EIF4A2: variants seen among roughly 807,000 people sequenced by gnomAD.
EIF4A2 encodes the protein eukaryotic translation initiation factor 4A2.
A neutral mutation model predicts 50.6 loss-of-function variants in EIF4A2; 9 were observed. The observed-to-expected ratio is 0.18, with a 90% CI of 0.11 to 0.31. The LOEUF (loss-of-function observed/expected upper bound fraction) is 0.31. EIF4A2 is among the 10% of genes least tolerant of loss of function. EIF4A2 has a pLI of 1.00. For missense variants in EIF4A2, 182 were observed against 501.8 expected (o/e 0.36, Z 6.09); for synonymous variants, 215 against 164.4 (o/e 1.31, Z -2.35).
At position 186,783,648 on chromosome 3, in the gene EIF4A2, T is replaced by C; in HGVS notation, c.29+9T>C. On this transcript the variant is annotated intron_variant, in intron 1 of 10. Transcript: ENST00000323963. Reference sequence around the variant, plus strand: ...TCCGCGGATTATAACAGGTATGCAGTCTGTTGGCGGTCGCGGTCTGTAGTG... The same window carrying C: ...TCCGCGGATTATAACAGGTATGCAGCCTGTTGGCGGTCGCGGTCTGTAGTG... 6.2e-7 allele frequency: 1 copy of C among 1,614,052 alleles called. No individual in the cohort carries two copies. Among genetic ancestry groups the C allele is most frequent in the Non-Finnish European group, 8.5e-7 (1 of 1,180,000 alleles).
intron 10 of EIF4A2, 40 bp downstream of exon 10, chr3:186,787,922 T>C (rs1331154473): frequency 6.3e-7 from 1 of 1,590,338 alleles, no homozygotes; most frequent in Admixed American, 1.7e-5. Context: ...AAAAAATTCA[T>C]ACGTTTTTCT....
At position 186,789,733 on chromosome 3, in the gene EIF4A2, TGTATTTATTCAATAAA is replaced by T. The variant is rs1211090596; in HGVS notation, c.*472_*487del. 9.0e-6 allele frequency: 4 copies of T among 442,550 alleles called. No homozygotes were observed. The East Asian group carries it at 1.5e-4, about 16-fold the overall frequency. The allele number at this position is 442,550 out of a possible 1,614,324, so 27.4% of individuals were successfully genotyped here. ...CATTTGAATGCATTTTGTTTGGTAT[TGTATTTATTCAATAAA>T]GTATTTAATTAGTGCTAAGTGTGAA... On this transcript the variant is annotated 3_prime_UTR_variant, in exon 11 of 11. Coordinates refer to ENST00000323963, the MANE Select transcript of EIF4A2 (RefSeq NM_001967.4).
intron 4 of EIF4A2, chr3:186,785,323 CTTGGATGTACTAGATCTGTCCCCAT>C (rs1721628684): frequency 1.7e-6 from 1 of 604,980 alleles, no homozygotes; most frequent in African/African-American, 1.9e-5. Flanking sequence ...GAAGCGCTCT[CTTGGATGTACTAGATCTGTCCCCAT>C]TTTTTAAGTT....
intron 4 of EIF4A2, chr3:186,785,661 G>T (rs765007382): frequency 2.0e-6 from 1 of 510,772 alleles, no homozygotes; most frequent in Non-Finnish European, 3.5e-6. Context: ...TCTAGCTGAT[G>T]CGTGGAGCAG....
Position 186,783,625 on chromosome 3 carries a change from C to T in EIF4A2, c.15C>T (p.Ser5=), listed in dbSNP as rs201948346. 19 of 1,614,106 alleles carry T rather than the reference C, an allele frequency of 1.2e-5. No individual in the cohort carries two copies. In the East Asian group the frequency reaches 3.1e-4, roughly 27 times the overall value. The change falls in exon 1 of 11, where the codon TCC becomes TCT. Residue 5 remains serine (S), a synonymous_variant. Coordinates refer to ENST00000323963, the MANE Select transcript of EIF4A2 (RefSeq NM_001967.4). MSGG[S]ADYNREHGGP... ...TTTTTCGGATCATGTCTGGTGGCTCCGCGGATTATAACAGGTATGCAGTCT... is the reference window on the plus strand; with the variant it reads ...TTTTTCGGATCATGTCTGGTGGCTCTGCGGATTATAACAGGTATGCAGTCT...
At position 186,784,711 on chromosome 3, in the gene EIF4A2, C is replaced by G; in HGVS notation, c.208+15C>G. On this transcript the variant is annotated intron_variant, in intron 3 of 10. Transcript: ENST00000323963. ...CTGTATTAAAGGTAAAAGAAACTGG[C>G]ATTTTTAGGAAATTGTTCTACATAG... is the stretch of plus-strand genomic sequence containing the variant. 1 of 1,612,022 alleles carries G rather than the reference C, an allele frequency of 6.2e-7. No homozygotes were observed. Among genetic ancestry groups the G allele is most frequent in the Non-Finnish European group, 8.5e-7 (1 of 1,179,002 alleles).
chr3:186,785,493 T>TA, intron 4 of EIF4A2: 1 of 298,472 alleles, frequency 3.4e-6, no homozygotes, highest in East Asian at 6.6e-5. Context: ...ACCTTCCTAA[T>TA]AAAGCTGTAG....
Position 186,789,481 on chromosome 3 carries a change from G to T in EIF4A2, c.*212G>T, listed in dbSNP as rs1259542442. 1.9e-6 allele frequency: 1 copy of T among 516,398 alleles called. No homozygotes were observed. Among genetic ancestry groups the T allele is most frequent in the Non-Finnish European group, 3.1e-6 (1 of 318,700 alleles). 32.0% of individuals were successfully genotyped at this position (516,398 alleles called of 1,614,324 possible). On this transcript the variant is annotated 3_prime_UTR_variant, in exon 11 of 11. Coordinates refer to ENST00000323963, the MANE Select transcript of EIF4A2 (RefSeq NM_001967.4). ...TCCTCTTTAGAGTTAGACTGTTGGG[G>T]TGGGTATAAAAGATGGGGTCTGTAA...
chr3:186,787,938 G>A (rs1721844756), intron 10 of EIF4A2, 56 bp downstream of exon 10: 1 of 1,556,554 alleles, frequency 6.4e-7, no homozygotes, highest in Non-Finnish European at 8.8e-7. Flanking sequence ...TTTCTACTGT[G>A]ATTTGTATGA....
intron 4 of EIF4A2, 121 bp from the exon 5 acceptor site, chr3:186,785,762 A>G: frequency 8.1e-7 from 1 of 1,230,230 alleles, no homozygotes; most frequent in Non-Finnish European, 1.1e-6. Flanking sequence ...GCTTGGAAGT[A>G]GTTTTGTGCT....
chr3:186,785,034 A>T lies in EIF4A2; in HGVS notation c.281A>T (p.Gln94Leu). ...TATFAISILQ[Q>L]LEIEFKETQA... Reference sequence around the variant, plus strand: ...ACATTTGCTATTTCCATCCTGCAACAGTTGGAGATTGAGTTCAAGGAGACC... The same window carrying T: ...ACATTTGCTATTTCCATCCTGCAACTGTTGGAGATTGAGTTCAAGGAGACC... Residue 94 changes from glutamine (Q) to leucine (L), a missense_variant, in exon 4 of 11, where the codon CAG (glutamine) becomes CTG (leucine). Coordinates refer to ENST00000323963, the MANE Select transcript of EIF4A2 (RefSeq NM_001967.4). 6.2e-7 allele frequency: 1 copy of T among 1,614,238 alleles called. No individual in the cohort carries two copies. Among genetic ancestry groups the T allele is most frequent in the Non-Finnish European group, 8.5e-7 (1 of 1,180,036 alleles).
chr3:186,787,108 T>A lies in EIF4A2; in HGVS notation c.772-19T>A. 6.2e-7 allele frequency: 1 copy of A among 1,612,300 alleles called. No homozygotes were observed. Among genetic ancestry groups the A allele is most frequent in the Non-Finnish European group, 8.5e-7 (1 of 1,179,572 alleles). ...GGAAAAACTAAATGACTGTTAACTT[T>A]AACTTCTAAACATTACAGGAATGGA... On this transcript the variant is annotated intron_variant, in intron 7 of 10. Coordinates refer to ENST00000323963, the MANE Select transcript of EIF4A2 (RefSeq NM_001967.4).
chr3:186,784,734 T>TA (rs1721588652), intron 3 of EIF4A2, 38 bp downstream of exon 3: 6 of 1,611,622 alleles, frequency 3.7e-6, no homozygotes, highest in Non-Finnish European at 5.1e-6. Flanking sequence ...TTGTTCTACA[T>TA]AGACATGAAC....
intron 10 of EIF4A2, chr3:186,788,823 A>G: frequency 3.3e-6 from 1 of 302,654 alleles, no homozygotes; most frequent in Non-Finnish European, 6.2e-6. Flanking sequence ...TGGCTGGCCC[A>G]CTTTGGTATG....
intron 4 of EIF4A2, 130 bp from the exon 5 acceptor site, chr3:186,785,753 C>T: frequency 1.7e-6 from 2 of 1,188,178 alleles, no homozygotes; most frequent in South Asian, 3.7e-5. Flanking sequence ...GCATTTTAAG[C>T]TTGGAAGTAG....
At chr3:186,788,009 TAA>T in intron 10 of EIF4A2, 127 bp downstream of exon 10, 1 of 1,034,948 alleles carries the variant, frequency 9.7e-7, no homozygotes, top group Non-Finnish European at 1.4e-6. Context: ...TAAGATGATG[TAA>T]TTAAATTTGT....
rs370219211 is a variant in EIF4A2, at chr3:186,783,599, G to C, written c.-12G>C. On this transcript the variant is annotated 5_prime_UTR_variant, in exon 1 of 11. Transcript: ENST00000323963. ...TGTCTTTTCAGTCGGGCGCTGAGTG[G>C]TTTTTCGGATCATGTCTGGTGGCTC... 2.5e-6 allele frequency: 4 copies of C among 1,614,172 alleles called. No individual in the cohort carries two copies. The highest frequency in any genetic ancestry group is 2.2e-5 in the South Asian group (2 of 91,080).
At chr3:186,784,267 C>A in intron 1 of EIF4A2, 165 bp from the exon 2 acceptor site, 1 of 1,029,208 alleles carries the variant, frequency 9.7e-7, no homozygotes, top group Non-Finnish European at 1.4e-6. Context: ...CCGCAGGCCC[C>A]AACCTTTAGG....
chr3:186,789,730 T>C lies in EIF4A2; in HGVS notation c.*461T>C. On this transcript the variant is annotated 3_prime_UTR_variant, in exon 11 of 11. Transcript: ENST00000323963. Reference sequence around the variant, plus strand: ...AAGCATTTGAATGCATTTTGTTTGGTATTGTATTTATTCAATAAAGTATTT... The same window carrying C: ...AAGCATTTGAATGCATTTTGTTTGGCATTGTATTTATTCAATAAAGTATTT... The C allele has an allele frequency of 2.3e-6, 1 of 439,826 alleles. No homozygotes were observed. Among genetic ancestry groups the C allele is most frequent in the East Asian group, 3.7e-5 (1 of 27,124 alleles). The allele number at this position is 439,826 out of a possible 1,614,324, so 27.2% of individuals were successfully genotyped here. A position where few individuals can be genotyped will look rare whatever the true frequency, so the allele number is the denominator to read the frequency against.
Sources: gnomAD v4.1 joint callset for allele counts on GRCh38, gnomAD v4.1.1 for gene constraint, MANE v1.5 for transcripts, NCBI Gene and HGNC (gene_info 2026-07-23, HGNC 2026-07-21) for gene names.